Variants in MAP2K1 observed in about 807,000 individuals in gnomAD.
The protein encoded by MAP2K1 is dual specificity mitogen-activated protein kinase kinase 1.
In MAP2K1, 16 loss-of-function variants were observed where a neutral mutation model predicts 46.3. The observed-to-expected ratio is 0.35, with a 90% CI of 0.23 to 0.52. The LOEUF (loss-of-function observed/expected upper bound fraction) is 0.52, where lower values mean the gene tolerates loss of function less well. Among genes scored for constraint, MAP2K1 ranks in the 20% least tolerant of loss-of-function variants. The probability of loss-of-function intolerance (pLI) is 0.94; values close to 1 mark genes in which losing one functional copy is unlikely to be tolerated. For synonymous variants in MAP2K1, 183 were observed against 185.6 expected, an observed-to-expected ratio of 0.99 and a Z score of 0.11; for missense variants, 263 against 497.1, an observed-to-expected ratio of 0.53 and a Z score of 4.48.
Position 66,418,701 on chromosome 15 carries a change from C to T in MAP2K1, c.81-16326C>T, listed in dbSNP as rs929657104. 2.0e-5 allele frequency among the ~76,000 whole-genome samples: 3 copies of T among 151,140 alleles called. No individual in the cohort carries two copies. In the South Asian group the frequency reaches 6.3e-4, roughly 32 times the overall value. On this transcript the variant is annotated intron_variant, in intron 1 of 10. Transcript: ENST00000307102. Reference sequence around the variant, plus strand: ...TTTTTGAGACGGAGTCTCGCTCTGTCGCCCAGGCTGGAGTGCAGTGGCGGG... The same window carrying T: ...TTTTTGAGACGGAGTCTCGCTCTGTTGCCCAGGCTGGAGTGCAGTGGCGGG...
chr15:66,414,407 A>G (rs28361382), intron 1 of MAP2K1, among the ~76,000 whole-genome samples: 42,284 of 152,096 alleles, frequency 0.28, 6,542 homozygotes, highest in South Asian at 0.37. Flanking sequence ...CAATTTTATT[A>G]TAGCAAAAAG....
intron 1 of MAP2K1, among the ~76,000 whole-genome samples, chr15:66,418,753 C>T (rs1294322677): frequency 6.6e-6 from 1 of 151,812 alleles, no homozygotes; most frequent in Admixed American, 6.6e-5. Context: ...AGCTCCGCCT[C>T]CCGGGTTCAC....
intron 5 of MAP2K1, among the ~76,000 whole-genome samples, chr15:66,473,129 G>C (rs1298765411): frequency 6.6e-6 from 1 of 152,204 alleles, no homozygotes; most frequent in Non-Finnish European, 1.5e-5. Flanking sequence ...TTGCATATCT[G>C]CTCCTCTGAG....
At position 66,489,697 on chromosome 15, in the gene MAP2K1, C is replaced by T. The variant is rs749632867; in HGVS notation, c.1023-21C>T. 29 of 1,607,126 alleles carry T rather than the reference C, an allele frequency of 1.8e-5. No individual in the cohort carries two copies. The South Asian group carries it at 3.0e-4, about 16-fold the overall frequency. On this transcript the variant is annotated intron_variant, in intron 9 of 10. Transcript: ENST00000307102. ...AACCAGTGCCAGGCAACAGCTCTTA[C>T]CTTGTCTTTCTTCCTTTAAGCTTAA...
At chr15:66,472,258 C>T (rs555398867) in intron 5 of MAP2K1, among the ~76,000 whole-genome samples, 1 of 150,684 alleles carries the variant, frequency 6.6e-6, no homozygotes, top group Non-Finnish European at 1.5e-5. Context: ...GAGCTGAGAT[C>T]GTGCTACTGC....
chr15:66,435,816 T>G (rs1595861363), intron 2 of MAP2K1, among the ~76,000 whole-genome samples: 1 of 152,186 alleles, frequency 6.6e-6, no homozygotes, highest in Non-Finnish European at 1.5e-5. Context: ...AGAAGCTGCT[T>G]TCATTCACCC....
intron 3 of MAP2K1, among the ~76,000 whole-genome samples, chr15:66,437,484 G>A (rs748657440): frequency 6.6e-6 from 1 of 152,228 alleles, no homozygotes; most frequent in Non-Finnish European, 1.5e-5. Flanking sequence ...AATTCTGCAA[G>A]TATTAGTCTT....
chr15:66,410,763 A>G (rs1485945425), intron 1 of MAP2K1, among the ~76,000 whole-genome samples: 2 of 152,166 alleles, frequency 1.3e-5, no homozygotes, highest in African/African-American at 2.4e-5. Flanking sequence ...TTAAGGGGAA[A>G]CTTTTGGGAG....
intron 8 of MAP2K1, among the ~76,000 whole-genome samples, chr15:66,488,473 A>T (rs1234661623): frequency 4.6e-5 from 7 of 152,150 alleles, no homozygotes; most frequent in Admixed American, 4.6e-4. Flanking sequence ...GTGGGTCAGC[A>T]TGGGTACACA....
intron 7 of MAP2K1, among the ~76,000 whole-genome samples, chr15:66,486,187 C>G (rs908113079): frequency 1.3e-5 from 2 of 152,218 alleles, no homozygotes; most frequent in Admixed American, 1.3e-4. Context: ...AGGCATGAGC[C>G]ACTGCATTCT....
At chr15:66,421,443 C>CTT in intron 1 of MAP2K1, among the ~76,000 whole-genome samples, 1 of 145,814 alleles carries the variant, frequency 6.9e-6, no homozygotes, top group South Asian at 2.2e-4. Context: ...GGCTTATAAT[C>CTT]TTTTTTTTTT....
At chr15:66,397,196 A>C (rs12912609) in intron 1 of MAP2K1, among the ~76,000 whole-genome samples, 1 of 148,962 alleles carries the variant, frequency 6.7e-6, no homozygotes, top group African/African-American at 2.5e-5. Context: ...AGTAGAGACA[A>C]GGTTTCACCG....
intron 1 of MAP2K1, among the ~76,000 whole-genome samples, chr15:66,412,032 A>G (rs1248914561): frequency 6.6e-6 from 1 of 152,210 alleles, no homozygotes; most frequent in Non-Finnish European, 1.5e-5. Flanking sequence ...TTAAGAATAT[A>G]GTTTATACAT....
chr15:66,420,759 GTATGTGTGTATATATATGTGTATA>G (rs1360466069), intron 1 of MAP2K1, among the ~76,000 whole-genome samples: 5 of 40,094 alleles, frequency 1.2e-4, no homozygotes, highest in East Asian at 5.9e-4. Flanking sequence ...GTGTGTGTGT[GTATGTGTGTATATATATGTGTATA>G]TATATGTGTG....
rs111978195 is a variant in MAP2K1, at chr15:66,411,944, T to TA, written c.81-23082dup. ...TCTTGCCCATGGTTAGATGACCAGT[T>TA]ACCAGCAGAGTTAATAGAGGGCTCC... On this transcript the variant is annotated intron_variant, in intron 1 of 10. Transcript: ENST00000307102. 9.0e-4 allele frequency among the ~76,000 whole-genome samples: 137 copies of TA among 152,326 alleles called. 2 individuals are homozygous for TA. The highest frequency in any genetic ancestry group is 3.4e-3 in the Middle Eastern group (1 of 294).
chr15:66,389,097 G>C (rs1418913884), intron 1 of MAP2K1, among the ~76,000 whole-genome samples: 1 of 151,704 alleles, frequency 6.6e-6, no homozygotes, highest in Non-Finnish European at 1.5e-5. Flanking sequence ...GTAGAGATGG[G>C]GTTTCTCCAA....
chr15:66,398,340 C>T lies in MAP2K1; in HGVS notation c.80+10913C>T, dbSNP rs569305709. On this transcript the variant is annotated intron_variant, in intron 1 of 10. Transcript: ENST00000307102. ...CTGAGGCGGGAGGATTGCTTGAGCCCAGGTGGCGAGATTGCAGTGAGCGGT... is the reference window on the plus strand; with the variant it reads ...CTGAGGCGGGAGGATTGCTTGAGCCTAGGTGGCGAGATTGCAGTGAGCGGT... Among the ~76,000 whole-genome samples the T allele has an allele frequency of 7.9e-5, 12 of 151,980 alleles. No homozygotes were observed. The South Asian group carries it at 1.9e-3, about 24-fold the overall frequency.
intron 5 of MAP2K1, among the ~76,000 whole-genome samples, chr15:66,448,355 C>T (rs1891936043): frequency 6.6e-6 from 1 of 152,116 alleles, no homozygotes; most frequent in Non-Finnish European, 1.5e-5. Flanking sequence ...ATGTGCTAGA[C>T]ACTGGTTCTT....
intron 8 of MAP2K1, chr15:66,488,938 T>C (rs551402840): frequency 5.5e-5 from 30 of 542,434 alleles, no homozygotes; most frequent in Non-Finnish European, 6.6e-6. Context: ...AGAGGAATAG[T>C]GATTAGTTCA....
Sources: allele counts gnomAD v4.1 joint callset (sites outside exome capture counted in the v4.1 genomes callset), GRCh38; gene constraint gnomAD v4.1.1; transcripts MANE v1.5; gene names NCBI Gene and HGNC (gene_info 2026-07-23, HGNC 2026-07-21).